The following XRCC5 variants were observed in gnomAD, a reference collection of about 807,000 sequenced individuals.
XRCC5 encodes the protein DNA repair protein Ku80.
XRCC5 carries 12 observed loss-of-function variants against 95.7 expected under a neutral mutation model. The observed-to-expected ratio is 0.13, with a 90% CI of 0.08 to 0.20. The LOEUF is 0.20. Ranked by LOEUF, XRCC5 falls within the 10% of genes least tolerant of loss-of-function variation. The probability of loss-of-function intolerance (pLI) is 1.00; values close to 1 mark genes in which losing one functional copy is unlikely to be tolerated. For synonymous variants in XRCC5, 281 were observed against 290.3 expected, an observed-to-expected ratio of 0.97 and a Z score of 0.33; for missense variants, 595 against 873.9, an observed-to-expected ratio of 0.68 and a Z score of 4.02.
At chr2:216,113,570 T>C (rs79700798) in intron 2 of XRCC5, among the ~76,000 whole-genome samples, 2 of 152,192 alleles carry the variant, frequency 1.3e-5, no homozygotes, top group East Asian at 3.8e-4. Flanking sequence ...TCATCATTCA[T>C]GGTTCTGTGG....
intron 9 of XRCC5, among the ~76,000 whole-genome samples, chr2:216,131,904 T>C (rs1215613859): frequency 6.6e-6 from 1 of 152,208 alleles, no homozygotes; most frequent in Non-Finnish European, 1.5e-5. Context: ...GTGCCCAGAC[T>C]TTTCTCTTAG....
At chr2:216,181,141 A>C (rs936571855) in intron 16 of XRCC5, among the ~76,000 whole-genome samples, 3 of 151,866 alleles carry the variant, frequency 2.0e-5, no homozygotes, top group Non-Finnish European at 4.4e-5. Flanking sequence ...ATTTCTGACA[A>C]CTTTGTATCC....
At chr2:216,114,670 TAATAAGTGGCCATG>T (rs1266131783) in intron 2 of XRCC5, among the ~76,000 whole-genome samples, 1 of 152,070 alleles carries the variant, frequency 6.6e-6, no homozygotes, top group Non-Finnish European at 1.5e-5. Flanking sequence ...CACTGTAAGG[TAATAAGTGGCCATG>T]ATTGGTGTCA....
chr2:216,127,068 C>T (rs1415228092), intron 7 of XRCC5, among the ~76,000 whole-genome samples: 1 of 152,020 alleles, frequency 6.6e-6, no homozygotes, highest in Non-Finnish European at 1.5e-5. Context: ...CCTGGTCAAC[C>T]TGTCTCTACT....
At chr2:216,143,738 C>G (rs1222253107) in intron 13 of XRCC5, among the ~76,000 whole-genome samples, 1 of 151,328 alleles carries the variant, frequency 6.6e-6, no homozygotes, top group Admixed American at 6.6e-5. Flanking sequence ...GACGGAGTCT[C>G]ACTCTGTCAC....
rs1169577440 is a variant in XRCC5 at position 216,194,982 on chromosome 2, A to G, written c.2105A>G (p.Lys702Arg). The G allele has an allele frequency of 1.2e-6, 2 of 1,614,024 alleles. No individual in the cohort carries two copies. The highest frequency in any genetic ancestry group is 1.7e-6 in the Non-Finnish European group (2 of 1,179,972). Residue 702 changes from lysine to arginine, a missense_variant, in exon 19 of 21, where the codon AAA (lysine) becomes AGA (arginine). Physicochemically the swap from Lys to Arg is conservative, Grantham distance 26. Coordinates refer to ENST00000392132, the MANE Select transcript of XRCC5 (RefSeq NM_021141.4). ...SGSSVTAEEA[K>R]KFLAPKDKPS... ...AGTTCTGTCACAGCTGAGGAAGCCA[A>G]AAAGGTATTGAGGGGTAAACCTTTG... is the stretch of plus-strand genomic sequence containing the variant.
intron 13 of XRCC5, among the ~76,000 whole-genome samples, chr2:216,143,422 TTAA>T (rs1421334053): frequency 2.0e-5 from 3 of 152,230 alleles, no homozygotes; most frequent in Non-Finnish European, 2.9e-5. Context: ...GAAACTTCTA[TTAA>T]TACTATTTTG....
Position 216,137,159 on chromosome 2 carries a change from T to C in XRCC5, c.1185T>C (p.Tyr395=), listed in dbSNP as rs17819382. The change falls in exon 11 of 21, where the codon TAT becomes TAC. Residue 395 remains tyrosine, a synonymous_variant. Transcript: ENST00000392132. ...TAGACATGGTGGCCATAGTTCGATA[T>C]GCTTATGACAAAAGAGCTAATCCTC... ...DDLDMVAIVR[Y]AYDKRANPQV... 0.017 allele frequency: 27,521 copies of C among 1,614,036 alleles called. 347 individuals carry two copies. Among genetic ancestry groups the C allele is most frequent in the Non-Finnish European group, 0.019 (22,980 of 1,179,898 alleles).
intron 1 of XRCC5, among the ~76,000 whole-genome samples, chr2:216,111,773 C>G (rs1282526911): frequency 6.6e-6 from 1 of 152,168 alleles, no homozygotes; most frequent in Admixed American, 6.5e-5. Context: ...GGAATGTGAA[C>G]TCCAGAAAGG....
chr2:216,170,037 C>CAAAAAAAAAA (rs71047982), intron 16 of XRCC5, among the ~76,000 whole-genome samples: 22 of 53,650 alleles, frequency 4.1e-4, no homozygotes, highest in African/African-American at 1.0e-3. Context: ...GACTGTGTCT[C>CAAAAAAAAAA]AAAAAAAAAA....
intron 16 of XRCC5, among the ~76,000 whole-genome samples, chr2:216,181,291 A>G (rs1263202043): frequency 2.6e-4 from 39 of 152,088 alleles, no homozygotes; most frequent in Admixed American, 2.6e-3. Flanking sequence ...TAACCTTCAA[A>G]GTTCTCCTTC....
At chr2:216,146,417 A>T (rs938886732) in intron 13 of XRCC5, among the ~76,000 whole-genome samples, 2 of 152,202 alleles carry the variant, frequency 1.3e-5, no homozygotes, top group African/African-American at 4.8e-5. Context: ...GGACCAGGGG[A>T]TAGTATAAAT....
rs1464641872 is a variant in XRCC5, at chr2:216,205,436, G to A, written c.*234G>A. The A allele has an allele frequency of 9.2e-6, 5 of 543,240 alleles. No homozygotes were observed. The highest frequency in any genetic ancestry group is 1.6e-5 in the Non-Finnish European group (5 of 305,928). The allele number at this position is 543,240 out of a possible 1,614,324, so 33.7% of individuals were successfully genotyped here. ...AAGAGTCATTGTTATTTTCTGGTTG[G>A]TGTATTATTTTTTCTGTGGTCTTAC... On this transcript the variant is annotated 3_prime_UTR_variant, in exon 21 of 21. Coordinates refer to ENST00000392132, the MANE Select transcript of XRCC5 (RefSeq NM_021141.4).
chr2:216,132,950 T>A (rs552534714), intron 10 of XRCC5, among the ~76,000 whole-genome samples: 18 of 152,230 alleles, frequency 1.2e-4, no homozygotes, highest in African/African-American at 4.3e-4. Context: ...ACTGGAAGAT[T>A]GCAATCTACT....
chr2:216,171,670 C>T (rs1309189101), intron 16 of XRCC5, among the ~76,000 whole-genome samples: 3 of 152,156 alleles, frequency 2.0e-5, no homozygotes, highest in Non-Finnish European at 4.4e-5. Context: ...AGCCATTGCT[C>T]ATATAAGAAC....
intron 16 of XRCC5, chr2:216,175,347 C>A: frequency 2.1e-6 from 1 of 467,476 alleles, no homozygotes; most frequent in South Asian, 1.6e-5. Context: ...TTACTTGCAC[C>A]ACTTCCAGAG....
intron 19 of XRCC5, among the ~76,000 whole-genome samples, chr2:216,200,982 C>T (rs180974554): frequency 3.3e-5 from 5 of 152,292 alleles, no homozygotes; most frequent in Admixed American, 2.6e-4. Flanking sequence ...ATGAAACTTA[C>T]AATACCATAA....
At chr2:216,113,426 C>T (rs1696630625) in intron 2 of XRCC5, among the ~76,000 whole-genome samples, 1 of 152,208 alleles carries the variant, frequency 6.6e-6, no homozygotes, top group African/African-American at 2.4e-5. Flanking sequence ...GGTTTGTATC[C>T]TTGCTCTGCC....
In XRCC5 at chr2:216,194,996, G is replaced by T. The variant is rs201878540; in HGVS notation, c.2109+10G>T. 3.4e-4 allele frequency: 549 copies of T among 1,613,034 alleles called. No homozygotes were observed. The highest frequency in any genetic ancestry group is 4.4e-4 in the Non-Finnish European group (514 of 1,179,240). ...TGAGGAAGCCAAAAAGGTATTGAGG[G>T]GTAAACCTTTGTCTTTAGTTGAATT... On this transcript the variant is annotated intron_variant, in intron 19 of 20. Coordinates refer to ENST00000392132, the MANE Select transcript of XRCC5 (RefSeq NM_021141.4).
Sources: allele counts gnomAD v4.1 joint callset (sites outside exome capture counted in the v4.1 genomes callset), GRCh38; gene constraint gnomAD v4.1.1; transcripts MANE v1.5; gene names NCBI Gene and HGNC (gene_info 2026-07-23, HGNC 2026-07-21).